CSPP1: variants seen among roughly 807,000 people sequenced by gnomAD.
CSPP1 encodes centrosome and spindle pole-associated protein 1.
CSPP1 carries 126 observed loss-of-function variants against 164.4 expected under a neutral mutation model. That is an observed-to-expected ratio of 0.77 (90% confidence interval 0.66 to 0.89). The LOEUF is 0.89. Among genes scored for constraint, CSPP1 ranks in the 40% least tolerant of loss-of-function variants. CSPP1 has a pLI of 0.00. For missense variants in CSPP1, 1,395 were observed against 1,449.8 expected, an observed-to-expected ratio of 0.96 and a Z score of 0.61; for synonymous variants, 472 against 476.7, an observed-to-expected ratio of 0.99 and a Z score of 0.13.
At chr8:67,189,503 C>T (rs909332320) in intron 28 of CSPP1, among the ~76,000 whole-genome samples, 2 of 152,066 alleles carry the variant, frequency 1.3e-5, no homozygotes, top group African/African-American at 4.8e-5. Flanking sequence ...TATAGAAAGC[C>T]CCATATCTTA....
intron 24 of CSPP1, among the ~76,000 whole-genome samples, chr8:67,170,330 G>A (rs1277239950): frequency 6.6e-6 from 1 of 151,800 alleles, no homozygotes; most frequent in Non-Finnish European, 1.5e-5. Context: ...GGTGGTGCGT[G>A]CCTGTAGTCC....
chr8:67,072,744 A>G (rs954741191), intron 1 of CSPP1, among the ~76,000 whole-genome samples: 1 of 151,768 alleles, frequency 6.6e-6, no homozygotes, highest in Non-Finnish European at 1.5e-5. Flanking sequence ...GTGCTTGCCT[A>G]TAGTCCTAGC....
intron 29 of CSPP1, among the ~76,000 whole-genome samples, chr8:67,190,972 T>C (rs962674261): frequency 1.3e-5 from 2 of 152,218 alleles, no homozygotes; most frequent in Non-Finnish European, 2.9e-5. Context: ...TTTTCTTGTC[T>C]CCTGGGGTGG....
chr8:67,159,247 C>A, intron 21 of CSPP1, 110 bp downstream of exon 21: 1 of 1,007,536 alleles, frequency 9.9e-7, no homozygotes, highest in Non-Finnish European at 1.5e-6. Flanking sequence ...GCTTTTGTTC[C>A]TGTTCTGTCT....
intron 6 of CSPP1, among the ~76,000 whole-genome samples, chr8:67,093,965 G>A (rs1812148006): frequency 6.7e-6 from 1 of 150,298 alleles, no homozygotes; most frequent in African/African-American, 2.4e-5. Flanking sequence ...AAAATTTAAG[G>A]ATCAATTAGC....
chr8:67,167,705 C>T (rs572739773), intron 24 of CSPP1, among the ~76,000 whole-genome samples: 7 of 150,446 alleles, frequency 4.7e-5, no homozygotes, highest in East Asian at 2.0e-4. Context: ...GATGGGGTGG[C>T]GGGGCAGAGG....
chr8:67,123,962 C>T (rs934665204), intron 15 of CSPP1, among the ~76,000 whole-genome samples: 3 of 143,648 alleles, frequency 2.1e-5, no homozygotes, highest in African/African-American at 7.8e-5. Flanking sequence ...TGCAGTGGTG[C>T]GATCTCGGCT....
rs1491584234 is a variant in CSPP1, at chr8:67,159,940, TCC to T, written c.2538+804_2538+805del. On this transcript the variant is annotated intron_variant, in intron 21 of 30. Transcript: ENST00000678616. ...TCTTTCTTTCCTTTCCTTCCTTCCT[TCC>T]TTCCTTCCTTCCTTCTTTCTTTTCT... Among the ~76,000 whole-genome samples the T allele has an allele frequency of 6.9e-4, 50 of 72,876 alleles. 1 individual carries two copies. The highest frequency in any genetic ancestry group is 1.3e-3 in the East Asian group (4 of 3,110). 47.8% of individuals were successfully genotyped at this position (72,876 alleles called of 152,430 possible).
intron 14 of CSPP1, 112 bp from the exon 15 acceptor site, chr8:67,118,631 G>A: frequency 1.3e-6 from 1 of 783,036 alleles, no homozygotes; most frequent in South Asian, 1.9e-5. Context: ...AATATTGATG[G>A]TTTTCTCTAT....
rs1366113532 is a variant in CSPP1 at position 67,118,678 on chromosome 8, A to G, written c.1619-65A>G. 7.2e-6 allele frequency: 8 copies of G among 1,107,624 alleles called. No homozygotes were observed. The Admixed American group carries it at 1.8e-4, about 25-fold the overall frequency. The allele number at this position is 1,107,624 out of a possible 1,614,324, so 68.6% of individuals were successfully genotyped here. On this transcript the variant is annotated intron_variant, in intron 14 of 30. Transcript: ENST00000678616. Reference sequence around the variant, plus strand: ...ATTATGCACCTTTTTCTGGAGGAATAAGTAAAATATTATTAAATGATTATT... The same window carrying G: ...ATTATGCACCTTTTTCTGGAGGAATGAGTAAAATATTATTAAATGATTATT...
chr8:67,142,778 C>T (rs1393609425), intron 17 of CSPP1, among the ~76,000 whole-genome samples: 1 of 152,168 alleles, frequency 6.6e-6, no homozygotes, highest in Non-Finnish European at 1.5e-5. Context: ...GCATTCCTAT[C>T]AGAAAAGTAT....
At chr8:67,130,684 CT>C (rs1475998350) in intron 15 of CSPP1, among the ~76,000 whole-genome samples, 4 of 152,086 alleles carry the variant, frequency 2.6e-5, no homozygotes, top group Admixed American at 6.6e-5. Flanking sequence ...GAAGAGAAAG[CT>C]TTTTTAAAAT....
intron 15 of CSPP1, among the ~76,000 whole-genome samples, chr8:67,128,143 A>G (rs1426869216): frequency 1.3e-5 from 2 of 152,240 alleles, no homozygotes; most frequent in Non-Finnish European, 2.9e-5. Context: ...ACCACTTACT[A>G]CAGTAATAGA....
chr8:67,150,044 A>C, intron 18 of CSPP1, 109 bp downstream of exon 18: 2 of 1,147,212 alleles, frequency 1.7e-6, no homozygotes, highest in Non-Finnish European at 2.3e-6. Context: ...GAATTTGGCT[A>C]TCCTGATACA....
chr8:67,081,541 A>G (rs1809183595), intron 3 of CSPP1, among the ~76,000 whole-genome samples: 1 of 152,150 alleles, frequency 6.6e-6, no homozygotes, highest in Admixed American at 6.5e-5. Flanking sequence ...ATCTCCCTAA[A>G]CTGTTTCTAG....
chr8:67,193,394 G>A lies in CSPP1; in HGVS notation c.3331-70G>A, dbSNP rs902374931. 1.4e-5 allele frequency: 20 copies of A among 1,399,434 alleles called. No homozygotes were observed. The Admixed American group carries it at 3.5e-4, about 24-fold the overall frequency. The allele number at this position is 1,399,434 out of a possible 1,614,324, so 86.7% of individuals were successfully genotyped here. ...TCACAGGTGATAGGCACCATGCCTGGCCCTGATTCACTGATTTGTGAACAT... is the reference window on the plus strand; with the variant it reads ...TCACAGGTGATAGGCACCATGCCTGACCCTGATTCACTGATTTGTGAACAT... On this transcript the variant is annotated intron_variant, in intron 29 of 30. Transcript: ENST00000678616.
chr8:67,069,528 C>A (rs904808474), intron 1 of CSPP1, among the ~76,000 whole-genome samples: 1 of 150,318 alleles, frequency 6.7e-6, no homozygotes, highest in Admixed American at 6.6e-5. Flanking sequence ...CTGGTTAGAA[C>A]AACATGTAAA....
At chr8:67,076,020 A>C (rs1045746057) in intron 2 of CSPP1, among the ~76,000 whole-genome samples, 1 of 152,100 alleles carries the variant, frequency 6.6e-6, no homozygotes, top group Non-Finnish European at 1.5e-5. Context: ...TCTTAGTTCA[A>C]GTATCACCTG....
At chr8:67,096,771 A>G (rs1381639517) in intron 7 of CSPP1, among the ~76,000 whole-genome samples, 1 of 148,146 alleles carries the variant, frequency 6.8e-6, no homozygotes, top group Non-Finnish European at 1.5e-5. Flanking sequence ...AGGCTGAGGC[A>G]GGAGAATCGC....
Sources: allele counts gnomAD v4.1 joint callset (sites outside exome capture counted in the v4.1 genomes callset), GRCh38; gene constraint gnomAD v4.1.1; transcripts MANE v1.5; gene names NCBI Gene and HGNC (gene_info 2026-07-23, HGNC 2026-07-21).